The following MOGAT2 variants were observed in gnomAD, a reference collection of about 807,000 sequenced individuals.
MOGAT2 encodes 2-acylglycerol O-acyltransferase 2.
Under a neutral mutation model 31.5 loss-of-function variants are expected in MOGAT2, and 27 were observed. The observed-to-expected ratio is 0.86, with a 90% CI of 0.63 to 1.18. The LOEUF (loss-of-function observed/expected upper bound fraction) is 1.18. Among genes scored for constraint, MOGAT2 ranks in the 50% most tolerant of loss-of-function variants. The pLI is 0.00. For missense variants in MOGAT2, 436 were observed against 433.2 expected (o/e 1.01, Z -0.06); for synonymous variants, 163 against 170.0 (o/e 0.96, Z 0.32).
rs1944447919 is a variant in MOGAT2, at chr11:75,728,941, C to T, written c.802C>T (p.Gln268Ter). Residue 268 changes from glutamine to a stop codon, truncating the protein, a stop_gained, in exon 5 of 6, where the codon CAG (glutamine) becomes TAG (stop). Transcript: ENST00000198801. LOFTEE classifies it high-confidence loss of function. ...ACTCTTTCATGGCCGTGGTGTCTTC[C>T]AGTACAGCTTTGGTTTAATACCCTA... ...LPLFHGRGVF[Q>*]YSFGLIPYRR... The T allele has an allele frequency of 1.2e-6, 2 of 1,614,178 alleles. No individual in the cohort carries two copies. The highest frequency in any genetic ancestry group is 1.1e-5 in the South Asian group (1 of 91,086).
intron 1 of MOGAT2, among the ~76,000 whole-genome samples, chr11:75,718,652 C>T (rs541215285): frequency 6.6e-6 from 1 of 152,108 alleles, no homozygotes; most frequent in Non-Finnish European, 1.5e-5. Context: ...TGGCCTGGAC[C>T]CTGGGCTGGG....
rs114127755 is a variant in MOGAT2, at chr11:75,721,167, C to T, written c.270+997C>T. On this transcript the variant is annotated intron_variant, in intron 2 of 5. Coordinates refer to ENST00000198801, the MANE Select transcript of MOGAT2 (RefSeq NM_025098.4). Reference sequence around the variant, plus strand: ...CCCCATACCATATCAGCTGTATGATCGTAGGTAAGTTGGTCTCTCTGAGCC... The same window carrying T: ...CCCCATACCATATCAGCTGTATGATTGTAGGTAAGTTGGTCTCTCTGAGCC... 7.8e-3 allele frequency among the ~76,000 whole-genome samples: 1,193 copies of T among 152,142 alleles called. 17 individuals carry two copies. Among genetic ancestry groups the T allele is most frequent in the African/African-American group, 0.026 (1,090 of 41,492 alleles).
intron 5 of MOGAT2, among the ~76,000 whole-genome samples, chr11:75,730,021 AG>A (rs889625830): frequency 2.0e-5 from 3 of 152,238 alleles, no homozygotes; most frequent in African/African-American, 7.2e-5. Flanking sequence ...CTGGGATTAC[AG>A]GCATAAGCCA....
intron 2 of MOGAT2, among the ~76,000 whole-genome samples, chr11:75,722,764 G>A (rs974902640): frequency 3.9e-5 from 6 of 152,190 alleles, no homozygotes; most frequent in Admixed American, 3.9e-4. Flanking sequence ...TGCACCTGGA[G>A]CATTTCCATT....
chr11:75,727,756 G>T, intron 3 of MOGAT2, 117 bp downstream of exon 3: 1 of 1,158,438 alleles, frequency 8.6e-7, no homozygotes, highest in Non-Finnish European at 1.2e-6. Context: ...TAGGCCCAAA[G>T]AAGCACTTCC....
chr11:75,728,246 TAG>T (rs754208162), intron 4 of MOGAT2, 102 bp downstream of exon 4: 1 of 1,330,934 alleles, frequency 7.5e-7, no homozygotes, highest in Non-Finnish European at 1.0e-6. Context: ...TCTATTTTGG[TAG>T]AGATTTTCAG....
In MOGAT2 at chr11:75,720,157, A is replaced by G; in HGVS notation, c.257A>G (p.Tyr86Cys). The G allele has an allele frequency of 6.2e-7, 1 of 1,611,624 alleles. No homozygotes were observed. The highest frequency in any genetic ancestry group is 8.5e-7 in the Non-Finnish European group (1 of 1,178,734). The change falls in exon 2 of 6, where the codon TAT (tyrosine) becomes TGT (cysteine). Residue 86 changes from tyrosine (Y) to cysteine (C), a missense_variant. Coordinates refer to ENST00000198801, the MANE Select transcript of MOGAT2 (RefSeq NM_025098.4). ...CWTIWKYMKDYFPISLVKTAE... is the reference protein window; with the variant it reads ...CWTIWKYMKDCFPISLVKTAE... ...ACTATATGGAAGTACATGAAGGACT[A>G]TTTCCCCATCTCGGTGAGTATTGAG...
chr11:75,721,818 A>C (rs554812473), intron 2 of MOGAT2, among the ~76,000 whole-genome samples: 1 of 152,260 alleles, frequency 6.6e-6, no homozygotes, highest in African/African-American at 2.4e-5. Flanking sequence ...AGAGGAAACA[A>C]ACCCACCAAA....
chr11:75,724,917 T>C (rs942083352), intron 2 of MOGAT2, among the ~76,000 whole-genome samples: 1 of 152,232 alleles, frequency 6.6e-6, no homozygotes, highest in Non-Finnish European at 1.5e-5. Context: ...GCTGCTGTAC[T>C]TCTCTATGGT....
At chr11:75,725,005 A>C (rs1181342455) in intron 2 of MOGAT2, among the ~76,000 whole-genome samples, 1 of 152,176 alleles carries the variant, frequency 6.6e-6, no homozygotes, top group African/African-American at 2.4e-5. Context: ...GTGGATGACA[A>C]ATTTTTCATA....
intron 5 of MOGAT2, among the ~76,000 whole-genome samples, chr11:75,729,303 T>G (rs971262463): frequency 3.9e-5 from 6 of 152,320 alleles, no homozygotes; most frequent in African/African-American, 1.4e-4. Flanking sequence ...TTTAAGAGTT[T>G]TGCTCTTGTC....
At chr11:75,724,653 C>T (rs1004330116) in intron 2 of MOGAT2, among the ~76,000 whole-genome samples, 5 of 151,090 alleles carry the variant, frequency 3.3e-5, no homozygotes, top group African/African-American at 1.2e-4. Flanking sequence ...CAGAGTGAGA[C>T]TGTCTCAAAA....
At chr11:75,729,718 G>A (rs1191627395) in intron 5 of MOGAT2, among the ~76,000 whole-genome samples, 1 of 149,546 alleles carries the variant, frequency 6.7e-6, no homozygotes, top group African/African-American at 2.5e-5. Context: ...TTTTTACAAT[G>A]CCAGAGAAGG....
chr11:75,728,185 A>G (rs775166448), intron 4 of MOGAT2, 41 bp downstream of exon 4: 7 of 1,590,036 alleles, frequency 4.4e-6, no homozygotes, highest in Non-Finnish European at 5.1e-6. Context: ...TTCAGTTGGC[A>G]ATTGGCAAGG....
intron 2 of MOGAT2, among the ~76,000 whole-genome samples, chr11:75,720,381 G>T (rs1191990911): frequency 6.6e-6 from 1 of 152,198 alleles, no homozygotes; most frequent in Non-Finnish European, 1.5e-5. Context: ...AGGGATGCGG[G>T]GCCAATATGT....
chr11:75,726,739 C>A (rs1944425061), intron 2 of MOGAT2, among the ~76,000 whole-genome samples: 2 of 140,464 alleles, frequency 1.4e-5, no homozygotes, highest in Admixed American at 1.5e-4. Context: ...TGCTCTGTTG[C>A]CCAGGCTGGA....
In MOGAT2 at chr11:75,728,782, G is replaced by T; in HGVS notation, c.651-8G>T. 1 of 1,613,420 alleles carries T rather than the reference G, an allele frequency of 6.2e-7. No homozygotes were observed. Among genetic ancestry groups the T allele is most frequent in the South Asian group, 1.1e-5 (1 of 91,068 alleles). On this transcript the variant is annotated splice_region_variant and splice_polypyrimidine_tract_variant and intron_variant, in intron 4 of 5. Transcript: ENST00000198801. ...CCCACATGCCCTCTTTCCTCTATTT[G>T]TCTCCAGGGCACCCCTGGTGCCAAT...
At position 75,732,018 on chromosome 11, in the gene MOGAT2, A is replaced by G. The variant is rs116695245; in HGVS notation, c.*732A>G. ...CACAAAGCTGACCGCGCCATTTCCT[A>G]CTCAGCATCCTTCCATGACCCTCCA... On this transcript the variant is annotated 3_prime_UTR_variant, in exon 6 of 6. Coordinates refer to ENST00000198801, the MANE Select transcript of MOGAT2 (RefSeq NM_025098.4). 2,876 of 152,436 alleles carry G rather than the reference A, an allele frequency of 0.019. 91 individuals carry two copies. Among genetic ancestry groups the G allele is most frequent in the African/African-American group, 0.062 (2,576 of 41,552 alleles). The allele number at this position is 152,436 out of a possible 1,614,324, so 9.4% of individuals were successfully genotyped here. A position where few individuals can be genotyped will look rare whatever the true frequency, so the allele number is the denominator to read the frequency against.
chr11:75,719,686 G>A (rs1590837030), intron 1 of MOGAT2: 3 of 394,326 alleles, frequency 7.6e-6, no homozygotes, highest in East Asian at 8.3e-5. Flanking sequence ...CTCTCCTGGG[G>A]AGAAGGAGGA....
Sources: allele counts gnomAD v4.1 joint callset (sites outside exome capture counted in the v4.1 genomes callset), GRCh38; gene constraint gnomAD v4.1.1; transcripts MANE v1.5; gene names NCBI Gene and HGNC (gene_info 2026-07-23, HGNC 2026-07-21).